COL19A1: variants seen among roughly 807,000 people sequenced by gnomAD.
COL19A1 encodes collagen type XIX alpha 1 chain.
In COL19A1, 159 loss-of-function variants were observed where a neutral mutation model predicts 190.2. The observed-to-expected ratio is 0.84, with a 90% CI of 0.73 to 0.95. The LOEUF (loss-of-function observed/expected upper bound fraction) is 0.95. Ranked by LOEUF, COL19A1 falls within the 40% of genes least tolerant of loss-of-function variation. COL19A1 has a pLI of 0.00. For synonymous variants in COL19A1, 509 were observed against 458.9 expected (o/e 1.11, Z -1.39); for missense variants, 1,418 against 1,431.9 (o/e 0.99, Z 0.16).
At chr6:70,091,301 T>C (rs530701246) in intron 15 of COL19A1, among the ~76,000 whole-genome samples, 3 of 152,090 alleles carry the variant, frequency 2.0e-5, no homozygotes, top group Non-Finnish European at 4.4e-5. Flanking sequence ...AAATATATTT[T>C]GAGGATTAAA....
intron 7 of COL19A1, among the ~76,000 whole-genome samples, chr6:69,935,199 A>G (rs1355810305): frequency 6.6e-6 from 1 of 152,088 alleles, no homozygotes; most frequent in Non-Finnish European, 1.5e-5. Flanking sequence ...AAATGTGGTT[A>G]AATTTTTAAG....
chr6:69,870,724 C>T (rs924489719), intron 1 of COL19A1, among the ~76,000 whole-genome samples: 1 of 151,960 alleles, frequency 6.6e-6, no homozygotes, highest in Non-Finnish European at 1.5e-5. Flanking sequence ...AAATAGAATT[C>T]TTGAGAAGTA....
intron 1 of COL19A1, among the ~76,000 whole-genome samples, chr6:69,867,243 G>A (rs961597121): frequency 1.3e-5 from 2 of 152,098 alleles, no homozygotes; most frequent in South Asian, 2.1e-4. Flanking sequence ...TGCGGCTTCT[G>A]GGGGGCGGCG....
chr6:69,905,069 C>T (rs1770458844), intron 4 of COL19A1, among the ~76,000 whole-genome samples: 1 of 152,128 alleles, frequency 6.6e-6, no homozygotes, highest in South Asian at 2.1e-4. Context: ...CCACTGACAC[C>T]AGGTACCACA....
chr6:69,978,260 G>T (rs537275851), intron 11 of COL19A1, among the ~76,000 whole-genome samples: 1 of 152,122 alleles, frequency 6.6e-6, no homozygotes, highest in East Asian at 1.9e-4. Flanking sequence ...TATATAGAGA[G>T]AGAGAAAGAG....
intron 14 of COL19A1, among the ~76,000 whole-genome samples, chr6:70,045,967 G>C (rs1368081407): frequency 2.6e-5 from 4 of 152,134 alleles, no homozygotes; most frequent in African/African-American, 9.7e-5. Flanking sequence ...AGTGTCTTCA[G>C]GTAGTTGTTC....
At chr6:70,121,992 A>T in intron 17 of COL19A1, 50 bp downstream of exon 17, 1 of 1,255,002 alleles carries the variant, frequency 8.0e-7, no homozygotes. Flanking sequence ...ATTTTATATG[A>T]TTGTATTTTT....
At chr6:69,996,444 A>G (rs1776909604) in intron 11 of COL19A1, among the ~76,000 whole-genome samples, 2 of 152,188 alleles carry the variant, frequency 1.3e-5, no homozygotes, top group African/African-American at 4.8e-5. Context: ...CATCATGAAC[A>G]ACAAAGCACT....
At chr6:70,188,961 TA>T (rs936608208) in intron 47 of COL19A1, among the ~76,000 whole-genome samples, 1 of 152,212 alleles carries the variant, frequency 6.6e-6, no homozygotes, top group Non-Finnish European at 1.5e-5. Flanking sequence ...CATACTTCTA[TA>T]TTTCTGCCCA....
Position 70,085,552 on chromosome 6 carries a change from T to C in COL19A1, c.1225-16617T>C, listed in dbSNP as rs377486737. ...TTTTTTCTCTTTGTCATCACATAGA[T>C]GCTTGTAAAACCAGCCGAATATCAG... On this transcript the variant is annotated intron_variant, in intron 15 of 50. Transcript: ENST00000620364. Among the ~76,000 whole-genome samples the C allele has an allele frequency of 7.2e-5, 11 of 152,346 alleles. No individual in the cohort carries two copies. The East Asian group carries it at 1.5e-3, about 21-fold the overall frequency.
chr6:69,916,387 T>A (rs1771310226), intron 4 of COL19A1, among the ~76,000 whole-genome samples: 1 of 152,174 alleles, frequency 6.6e-6, no homozygotes, highest in Non-Finnish European at 1.5e-5. Flanking sequence ...AACTTCTAAG[T>A]TTTCTAGAAA....
intron 1 of COL19A1, among the ~76,000 whole-genome samples, chr6:69,870,294 A>G (rs1268856407): frequency 6.6e-6 from 1 of 152,244 alleles, no homozygotes; most frequent in Non-Finnish European, 1.5e-5. Context: ...CAATATAGGG[A>G]AGAGAAAGAA....
chr6:69,944,151 C>T (rs893996428), intron 9 of COL19A1, among the ~76,000 whole-genome samples: 1 of 152,074 alleles, frequency 6.6e-6, no homozygotes, highest in East Asian at 1.9e-4. Flanking sequence ...ATCATTTAGG[C>T]CCTTGCTCAA....
intron 11 of COL19A1, among the ~76,000 whole-genome samples, chr6:70,006,666 G>A (rs149345115): frequency 3.3e-4 from 50 of 152,052 alleles, no homozygotes; most frequent in Non-Finnish European, 5.9e-4. Flanking sequence ...ATATATTTGC[G>A]TTTGTATAGT....
intron 7 of COL19A1, among the ~76,000 whole-genome samples, chr6:69,936,030 T>C (rs538479983): frequency 6.6e-6 from 1 of 152,238 alleles, no homozygotes; most frequent in East Asian, 1.9e-4. Flanking sequence ...TGCTTTCTCT[T>C]CGTGAAATTG....
At chr6:70,037,529 C>G (rs1250378348) in intron 14 of COL19A1, among the ~76,000 whole-genome samples, 1 of 152,092 alleles carries the variant, frequency 6.6e-6, no homozygotes, top group East Asian at 1.9e-4. Flanking sequence ...TTACTTAGGA[C>G]AGATGCCTGT....
chr6:70,023,175 C>T (rs1037494249), intron 11 of COL19A1, among the ~76,000 whole-genome samples: 2 of 149,844 alleles, frequency 1.3e-5, no homozygotes, highest in Non-Finnish European at 3.0e-5. Context: ...GCTCTCTTAC[C>T]CAGGCTGGAG....
chr6:70,185,015 C>A (rs539588137), intron 46 of COL19A1, 100 bp downstream of exon 46: 2 of 1,144,754 alleles, frequency 1.7e-6, no homozygotes, highest in Admixed American at 2.4e-5. Flanking sequence ...TGCAAATCAC[C>A]AAATCTATAA....
intron 11 of COL19A1, among the ~76,000 whole-genome samples, chr6:69,968,847 C>G (rs1236008101): frequency 6.6e-6 from 1 of 152,112 alleles, no homozygotes; most frequent in Non-Finnish European, 1.5e-5. Flanking sequence ...GGGGCAGCAT[C>G]TAGATCACTC....
Sources: allele counts gnomAD v4.1 joint callset (sites outside exome capture counted in the v4.1 genomes callset), GRCh38; gene constraint gnomAD v4.1.1; transcripts MANE v1.5; gene names NCBI Gene and HGNC (gene_info 2026-07-23, HGNC 2026-07-21).